B3GALT1: variants seen among roughly 807,000 people sequenced by gnomAD.
The protein encoded by B3GALT1 is UDP-Gal:betaGlcNAc beta 1,3-galactosyltransferase, polypeptide 1.
In B3GALT1, 10 loss-of-function variants were observed where a neutral mutation model predicts 23.2. The ratio of observed to expected loss-of-function variants is 0.43; its 90% confidence interval spans 0.27 to 0.73. The LOEUF (loss-of-function observed/expected upper bound fraction) is 0.73. Among genes scored for constraint, B3GALT1 ranks in the 30% least tolerant of loss-of-function variants. B3GALT1 has a pLI of 0.21. For missense variants in B3GALT1, 299 were observed against 405.4 expected, an observed-to-expected ratio of 0.74 and a Z score of 2.25; for synonymous variants, 156 against 141.5, an observed-to-expected ratio of 1.10 and a Z score of -0.73.
Position 167,555,547 on chromosome 2 carries a change from G to A in B3GALT1, c.-410+65270G>A, listed in dbSNP as rs73026050. ...TGCTTACATTTTACTTTTATACACTGTTATAAAAGCTGCTTTCCAGGAAGA... is the reference window on the plus strand; with the variant it reads ...TGCTTACATTTTACTTTTATACACTATTATAAAAGCTGCTTTCCAGGAAGA... On this transcript the variant is annotated intron_variant, in intron 2 of 4. Coordinates refer to ENST00000392690, the MANE Select transcript of B3GALT1 (RefSeq NM_020981.4). 5.4e-3 allele frequency among the ~76,000 whole-genome samples: 822 copies of A among 152,198 alleles called. 8 individuals are homozygous for A. The highest frequency in any genetic ancestry group is 0.019 in the African/African-American group (795 of 41,538).
At chr2:167,836,748 A>G (rs1483182397) in intron 4 of B3GALT1, among the ~76,000 whole-genome samples, 1 of 152,240 alleles carries the variant, frequency 6.6e-6, no homozygotes, top group African/African-American at 2.4e-5. Context: ...AGTTGAAATG[A>G]AGGAAAAAAT....
At chr2:167,606,322 T>C (rs1684961822) in intron 2 of B3GALT1, among the ~76,000 whole-genome samples, 1 of 152,200 alleles carries the variant, frequency 6.6e-6, no homozygotes, top group Admixed American at 6.5e-5. Context: ...AAGTAACTAT[T>C]ATCACAACTA....
At chr2:167,768,031 T>G (rs1267974331) in intron 3 of B3GALT1, among the ~76,000 whole-genome samples, 5 of 152,120 alleles carry the variant, frequency 3.3e-5, no homozygotes, top group South Asian at 4.1e-4. Flanking sequence ...GACAGAGAAA[T>G]CAACCTTCCC....
At chr2:167,682,657 C>T (rs1382688276) in intron 3 of B3GALT1, among the ~76,000 whole-genome samples, 2 of 152,214 alleles carry the variant, frequency 1.3e-5, no homozygotes, top group African/African-American at 4.8e-5. Flanking sequence ...TCCAGCCCAG[C>T]ATGGCTGGGG....
At chr2:167,704,646 A>G (rs1388397917) in intron 3 of B3GALT1, among the ~76,000 whole-genome samples, 2 of 152,168 alleles carry the variant, frequency 1.3e-5, no homozygotes, top group Non-Finnish European at 1.5e-5. Context: ...TAGAGCTCCA[A>G]GTGGGTAGTT....
chr2:167,751,347 T>G (rs1204296611), intron 3 of B3GALT1, among the ~76,000 whole-genome samples: 1 of 152,124 alleles, frequency 6.6e-6, no homozygotes, highest in Non-Finnish European at 1.5e-5. Context: ...CAACAAGTAC[T>G]TGAGTAAAAG....
chr2:167,324,821 A>G (rs1171591185), intron 1 of B3GALT1, among the ~76,000 whole-genome samples: 2 of 152,010 alleles, frequency 1.3e-5, no homozygotes, highest in African/African-American at 4.8e-5. Context: ...CCGTCTTACT[A>G]TATATTTGCA....
Position 167,737,516 on chromosome 2 carries a change from T to C in B3GALT1, c.-351-81156T>C, listed in dbSNP as rs191154666. On this transcript the variant is annotated intron_variant, in intron 3 of 4. Coordinates refer to ENST00000392690, the MANE Select transcript of B3GALT1 (RefSeq NM_020981.4). Reference sequence around the variant, plus strand: ...GTAGTACAGATAAATTGAAGTGTGCTCAGAAAAGAGCAACTTAAATGGTGA... The same window carrying C: ...GTAGTACAGATAAATTGAAGTGTGCCCAGAAAAGAGCAACTTAAATGGTGA... Among the ~76,000 whole-genome samples the C allele has an allele frequency of 2.3e-3, 351 of 152,332 alleles. 2 individuals carry two copies. Among genetic ancestry groups the C allele is most frequent in the African/African-American group, 8.2e-3 (339 of 41,582 alleles).
intron 3 of B3GALT1, among the ~76,000 whole-genome samples, chr2:167,810,086 GC>G (rs1688851709): frequency 4.1e-5 from 6 of 144,742 alleles, no homozygotes; most frequent in African/African-American, 1.7e-4. Context: ...CCTGAGCCAC[GC>G]GTGGGATATA....
At chr2:167,652,853 C>G (rs113357037) in intron 3 of B3GALT1, among the ~76,000 whole-genome samples, 3,785 of 152,206 alleles carry the variant, frequency 0.025, 198 homozygotes, top group African/African-American at 0.086. Context: ...CTTTTTATCA[C>G]TAAATGCCAC....
chr2:167,365,243 C>G (rs998938690), intron 1 of B3GALT1, among the ~76,000 whole-genome samples: 1 of 152,108 alleles, frequency 6.6e-6, no homozygotes, highest in Admixed American at 6.6e-5. Flanking sequence ...AAACTGAAGT[C>G]TGAGAACAGT....
intron 3 of B3GALT1, among the ~76,000 whole-genome samples, chr2:167,663,588 G>A (rs1468928459): frequency 1.3e-5 from 2 of 150,874 alleles, no homozygotes; most frequent in African/African-American, 2.4e-5. Flanking sequence ...CAGTGTAAAA[G>A]TGTTCCTATT....
At chr2:167,829,687 T>G (rs1689304559) in intron 4 of B3GALT1, among the ~76,000 whole-genome samples, 1 of 152,112 alleles carries the variant, frequency 6.6e-6, no homozygotes, top group South Asian at 2.1e-4. Flanking sequence ...CCTCCTTTGT[T>G]GATATCCTTC....
intron 1 of B3GALT1, among the ~76,000 whole-genome samples, chr2:167,325,852 G>C (rs113666481): frequency 0.014 from 2,094 of 151,714 alleles, 55 homozygotes; most frequent in African/African-American, 0.048. Context: ...TGAGTAGCTG[G>C]GCTTACAGAC....
At chr2:167,371,758 C>G (rs2105270043) in intron 1 of B3GALT1, among the ~76,000 whole-genome samples, 1 of 151,898 alleles carries the variant, frequency 6.6e-6, no homozygotes, top group South Asian at 2.1e-4. Context: ...ATTAATTGAT[C>G]TATATATGTT....
At chr2:167,306,932 T>C (rs1394307508) in intron 1 of B3GALT1, among the ~76,000 whole-genome samples, 1 of 152,074 alleles carries the variant, frequency 6.6e-6, no homozygotes, top group East Asian at 1.9e-4. Context: ...CTCTTATAAT[T>C]GGTATTCTCT....
intron 2 of B3GALT1, among the ~76,000 whole-genome samples, chr2:167,588,365 T>C (rs142229487): frequency 3.2e-4 from 48 of 152,320 alleles, no homozygotes; most frequent in African/African-American, 1.1e-3. Flanking sequence ...CTAGTATAGA[T>C]TCCACATTTG....
rs16853546 is a variant in B3GALT1, at chr2:167,384,507, C to T, written c.-511+91173C>T. Among the ~76,000 whole-genome samples the T allele has an allele frequency of 8.6e-3, 1,307 of 152,254 alleles. 17 individuals are homozygous for T. The highest frequency in any genetic ancestry group is 0.029 in the African/African-American group (1,205 of 41,552). ...CCATCCACCCACTTCCTCACACATA[C>T]TTCCTATATTCCCTGATTTACTTGG... On this transcript the variant is annotated intron_variant, in intron 1 of 4. Coordinates refer to ENST00000392690, the MANE Select transcript of B3GALT1 (RefSeq NM_020981.4).
chr2:167,503,249 A>G (rs1034399234), intron 2 of B3GALT1, among the ~76,000 whole-genome samples: 3 of 152,134 alleles, frequency 2.0e-5, no homozygotes, highest in Non-Finnish European at 2.9e-5. Context: ...AATTATTACA[A>G]GCAGTGAATA....
Sources: gnomAD v4.1 joint callset for allele counts (sites outside exome capture counted in the v4.1 genomes callset) on GRCh38, gnomAD v4.1.1 for gene constraint, MANE v1.5 for transcripts, NCBI Gene and HGNC (gene_info 2026-07-23, HGNC 2026-07-21) for gene names.